Variants in ACSL6 observed in about 807,000 individuals in gnomAD.
ACSL6 encodes the protein long-chain-fatty-acid--CoA ligase 6.
ACSL6 carries 47 observed loss-of-function variants against 98.2 expected under a neutral mutation model. That is an observed-to-expected ratio of 0.48 (90% CI 0.38 to 0.61). ACSL6 has a LOEUF of 0.61. Among genes scored for constraint, ACSL6 ranks in the 20% least tolerant of loss-of-function variants. ACSL6 has a pLI of 0.00. For synonymous variants in ACSL6, 362 were observed against 336.9 expected, an observed-to-expected ratio of 1.07 and a Z score of -0.82; for missense variants, 761 against 913.4, an observed-to-expected ratio of 0.83 and a Z score of 2.15.
chr5:131,978,230 C>T (rs1189932741), intron 9 of ACSL6, among the ~76,000 whole-genome samples: 5 of 152,146 alleles, frequency 3.3e-5, no homozygotes, highest in Non-Finnish European at 5.9e-5. Context: ...AAATGACAAT[C>T]GCCCATGAGG....
intron 17 of ACSL6, among the ~76,000 whole-genome samples, chr5:131,963,320 C>A (rs919081698): frequency 3.3e-4 from 50 of 152,148 alleles, no homozygotes; most frequent in South Asian, 6.2e-4. Flanking sequence ...CTCCCTGACT[C>A]TCCTTGACCT....
At chr5:131,971,766 T>A (rs1316960336) in intron 13 of ACSL6, 121 bp from the exon 14 acceptor site, 1 of 765,914 alleles carries the variant, frequency 1.3e-6, no homozygotes, top group African/African-American at 1.7e-5. Context: ...AGGGCTGGGA[T>A]CAGAAAGAAG....
chr5:131,990,390 G>A (rs958146598), intron 3 of ACSL6, among the ~76,000 whole-genome samples: 1 of 152,222 alleles, frequency 6.6e-6, no homozygotes, highest in Admixed American at 6.5e-5. Context: ...GTCTGGAAAT[G>A]GGGAATGATG....
intron 5 of ACSL6, 38 bp downstream of exon 5, chr5:131,989,369 C>G (rs1045238294): frequency 8.2e-6 from 13 of 1,590,130 alleles, no homozygotes; most frequent in Middle Eastern, 1.7e-4. Context: ...ACCCCTACCC[C>G]ACGAATCCCT....
chr5:131,998,386 C>A (rs1032316963), intron 1 of ACSL6, among the ~76,000 whole-genome samples: 1 of 152,194 alleles, frequency 6.6e-6, no homozygotes, highest in Admixed American at 6.5e-5. Flanking sequence ...GTTCAGAATA[C>A]CAAGTGGTAG....
upstream of ACSL6, chr5:132,012,083 G>C (rs1755766855): frequency 1.0e-6 from 1 of 989,136 alleles, no homozygotes; most frequent in Non-Finnish European, 1.4e-6. Context: ...GCCGGGTCGC[G>C]GTTACCTGTC....
At chr5:131,970,009 T>C (rs1485586871) in intron 15 of ACSL6, 119 bp downstream of exon 15, 3 of 827,170 alleles carry the variant, frequency 3.6e-6, no homozygotes, top group Non-Finnish European at 6.1e-6. Flanking sequence ...TTTTTCTGTC[T>C]CTTTTGCTTT....
chr5:131,957,510 C>T (rs990634956), intron 20 of ACSL6, among the ~76,000 whole-genome samples: 2 of 152,234 alleles, frequency 1.3e-5, no homozygotes, highest in African/African-American at 4.8e-5. Flanking sequence ...TAGGAATTGT[C>T]TGTTCTTGGA....
chr5:131,974,865 G>A, intron 11 of ACSL6, 28 bp downstream of exon 11: 1 of 1,614,072 alleles, frequency 6.2e-7, no homozygotes, highest in Non-Finnish European at 8.5e-7. Flanking sequence ...GCCCAGGCAA[G>A]GCCCGGTCAG....
Position 131,990,005 on chromosome 5 carries a change from T to C in ACSL6, c.450+95A>G. On this transcript the variant is annotated intron_variant, in intron 4 of 20. Transcript: ENST00000651883. Reference sequence around the variant, plus strand: ...GACAGGCCAGGGAAATAAATGACCCTCTGAGACCCAGCAGGTGCCCACATC... The same window carrying C: ...GACAGGCCAGGGAAATAAATGACCCCCTGAGACCCAGCAGGTGCCCACATC... The C allele has an allele frequency of 3.0e-6, 4 of 1,335,706 alleles. No homozygotes were observed. The South Asian group carries it at 5.3e-5, about 18-fold the overall frequency. The allele number at this position is 1,335,706 out of a possible 1,614,324, so 82.7% of individuals were successfully genotyped here.
chr5:131,966,012 C>T (rs979132204), intron 17 of ACSL6, among the ~76,000 whole-genome samples: 2 of 152,200 alleles, frequency 1.3e-5, no homozygotes, highest in African/African-American at 4.8e-5. Context: ...AAGCTTTCCC[C>T]TTCACTCAGT....
chr5:132,006,518 A>T (rs1362795512), intron 1 of ACSL6: 1 of 152,246 alleles, frequency 6.6e-6, no homozygotes, highest in Non-Finnish European at 1.5e-5. Flanking sequence ...GACCCAGTGG[A>T]TGGTTAGTGG....
In ACSL6 at chr5:132,011,597, C is replaced by G. The variant is rs1449031450; in HGVS notation, c.-44G>C. The G allele has an allele frequency of 8.0e-6, 11 of 1,382,142 alleles. No homozygotes were observed. In the African/African-American group the frequency reaches 1.6e-4, roughly 21 times the overall value. 85.6% of individuals were successfully genotyped at this position (1,382,142 alleles called of 1,614,324 possible). A position where few individuals can be genotyped will look rare whatever the true frequency, so the allele number is the denominator to read the frequency against. ...GCCCGGCCCGGCCCGGCCTCCCCGA[C>G]CCGCAGCCCCGCAGCCCCGCAGCCC... is the stretch of plus-strand genomic sequence containing the variant. On this transcript the variant is annotated 5_prime_UTR_variant, in exon 1 of 21. Transcript: ENST00000651883. The surrounding 1 kb of genome is among the most constrained non-coding windows in gnomAD (Gnocchi z 5.4).
intron 1 of ACSL6, among the ~76,000 whole-genome samples, chr5:132,000,062 TCTGGCA>T (rs1349340144): frequency 6.6e-6 from 1 of 151,944 alleles, no homozygotes; most frequent in African/African-American, 2.4e-5. Flanking sequence ...ATGCTAGCTC[TCTGGCA>T]CTGAGGGCGA....
chr5:131,961,750 G>A (rs538256464), intron 18 of ACSL6, among the ~76,000 whole-genome samples: 1 of 152,102 alleles, frequency 6.6e-6, no homozygotes, highest in Non-Finnish European at 1.5e-5. Flanking sequence ...AATCTAAATA[G>A]TATTGAAAGG....
At chr5:132,002,971 C>A (rs546439204) in intron 1 of ACSL6, among the ~76,000 whole-genome samples, 4 of 152,304 alleles carry the variant, frequency 2.6e-5, no homozygotes, top group Admixed American at 2.6e-4. Flanking sequence ...GTGCCCCAGG[C>A]AAGCTGTGCT....
intron 1 of ACSL6, among the ~76,000 whole-genome samples, chr5:132,009,198 C>A (rs967328002): frequency 6.6e-6 from 1 of 152,230 alleles, no homozygotes; most frequent in Non-Finnish European, 1.5e-5. Flanking sequence ...CATTGCCACA[C>A]CCCCATCCCC....
intron 1 of ACSL6, among the ~76,000 whole-genome samples, chr5:132,005,127 G>T (rs1339853401): frequency 6.6e-6 from 1 of 152,022 alleles, no homozygotes; most frequent in Non-Finnish European, 1.5e-5. Flanking sequence ...ACTCCAGCCT[G>T]GGCAACAACA....
At chr5:131,971,484 T>A in intron 14 of ACSL6, 66 bp downstream of exon 14, 13 of 1,349,138 alleles carry the variant, frequency 9.6e-6, no homozygotes, top group Non-Finnish European at 1.3e-5. Context: ...CAGTAGAGGG[T>A]ATAGTAGTTT....
Sources: allele counts gnomAD v4.1 joint callset (sites outside exome capture counted in the v4.1 genomes callset), GRCh38; gene constraint gnomAD v4.1.1; non-coding constraint Gnocchi (gnomAD v3.1); transcripts MANE v1.5; gene names NCBI Gene and HGNC (gene_info 2026-07-23, HGNC 2026-07-21).